The following RBM20 variants were observed in gnomAD, a reference collection of about 807,000 sequenced individuals.
RBM20 encodes RNA-binding protein 20.
RBM20 carries 51 observed loss-of-function variants against 110.1 expected under a neutral mutation model. The ratio of observed to expected loss-of-function variants is 0.46; its 90% CI spans 0.37 to 0.59. The LOEUF (loss-of-function observed/expected upper bound fraction) is 0.59, where lower values mean the gene tolerates loss of function less well. Among genes scored for constraint, RBM20 ranks in the 20% least tolerant of loss-of-function variants. The pLI, the probability that RBM20 is intolerant of heterozygous loss-of-function variation, is 0.00. For synonymous variants in RBM20, 589 were observed against 618.2 expected (o/e 0.95, Z 0.70); for missense variants, 1,512 against 1,574.9 (o/e 0.96, Z 0.68).
chr10:110,676,850 A>G (rs1438384550), intron 1 of RBM20, among the ~76,000 whole-genome samples: 1 of 152,236 alleles, frequency 6.6e-6, no homozygotes, highest in Non-Finnish European at 1.5e-5. Flanking sequence ...GAGGCTATAA[A>G]GAGGTTTAAA....
At chr10:110,658,356 T>C (rs1202999158) in intron 1 of RBM20, among the ~76,000 whole-genome samples, 2 of 152,196 alleles carry the variant, frequency 1.3e-5, no homozygotes, top group African/African-American at 2.4e-5. Flanking sequence ...TTTTACAGTC[T>C]GTAGCATTCA....
At chr10:110,814,788 C>G (rs1844818872) in intron 9 of RBM20, among the ~76,000 whole-genome samples, 1 of 152,176 alleles carries the variant, frequency 6.6e-6, no homozygotes. Flanking sequence ...GCCGCCGTGC[C>G]CTGCCAAGAT....
intron 1 of RBM20, among the ~76,000 whole-genome samples, chr10:110,735,902 C>T (rs12762063): frequency 0.26 from 39,014 of 152,062 alleles, 5,777 homozygotes; most frequent in Middle Eastern, 0.37. Context: ...TGAACATTCA[C>T]CCCAAGAGTG....
chr10:110,731,173 G>A (rs973215840), intron 1 of RBM20, among the ~76,000 whole-genome samples: 5 of 152,010 alleles, frequency 3.3e-5, no homozygotes, highest in Admixed American at 6.5e-5. Flanking sequence ...CGATATTTGG[G>A]GGCTGGTTGT....
chr10:110,798,742 A>G (rs113174826), intron 6 of RBM20, among the ~76,000 whole-genome samples: 24 of 152,338 alleles, frequency 1.6e-4, no homozygotes, highest in Middle Eastern at 6.8e-3. Context: ...GCTTGTTTAG[A>G]TCATTTAGTT....
chr10:110,692,434 CTT>C (rs1862599342), intron 1 of RBM20, among the ~76,000 whole-genome samples: 4 of 152,218 alleles, frequency 2.6e-5, no homozygotes, highest in Admixed American at 2.6e-4. Flanking sequence ...TTCAGCAATG[CTT>C]TGTAGTTTTC....
intron 1 of RBM20, among the ~76,000 whole-genome samples, chr10:110,687,826 G>C (rs1000955333): frequency 6.6e-6 from 1 of 152,116 alleles, no homozygotes; most frequent in East Asian, 1.9e-4. Flanking sequence ...TTTTAAAAAT[G>C]TTGCATCAAC....
intron 1 of RBM20, among the ~76,000 whole-genome samples, chr10:110,752,799 A>AC (rs1371101350): frequency 6.6e-6 from 1 of 151,310 alleles, no homozygotes; most frequent in East Asian, 1.9e-4. Flanking sequence ...CTCCTTCCTC[A>AC]CTTACACCTT....
At chr10:110,833,668 C>A (rs1845086557) in intron 13 of RBM20, among the ~76,000 whole-genome samples, 1 of 152,228 alleles carries the variant, frequency 6.6e-6, no homozygotes, top group South Asian at 2.1e-4. Context: ...GGGCAGTGGA[C>A]TGCACTGTGT....
chr10:110,663,627 T>C (rs1051363566), intron 1 of RBM20, among the ~76,000 whole-genome samples: 6 of 152,256 alleles, frequency 3.9e-5, no homozygotes, highest in Non-Finnish European at 7.3e-5. Flanking sequence ...TATAGATGTT[T>C]GTCTTAATTA....
intron 12 of RBM20, among the ~76,000 whole-genome samples, chr10:110,826,175 G>A (rs1355948249): frequency 6.6e-6 from 1 of 152,078 alleles, no homozygotes; most frequent in African/African-American, 2.4e-5. Flanking sequence ...ACCTCCCATT[G>A]GATTTTATCA....
At chr10:110,805,792 G>A (rs138768169) in intron 7 of RBM20, among the ~76,000 whole-genome samples, 84 of 152,322 alleles carry the variant, frequency 5.5e-4, no homozygotes, top group African/African-American at 1.8e-3. Flanking sequence ...TGTCTTAAAA[G>A]CAGCAAGATG....
At chr10:110,706,824 C>T (rs1418013826) in intron 1 of RBM20, among the ~76,000 whole-genome samples, 1 of 152,202 alleles carries the variant, frequency 6.6e-6, no homozygotes, top group Non-Finnish European at 1.5e-5. Context: ...CTTGCCTCCT[C>T]CTCATACTGA....
chr10:110,754,052 A>G (rs1843892499), intron 1 of RBM20, among the ~76,000 whole-genome samples: 1 of 152,202 alleles, frequency 6.6e-6, no homozygotes, highest in African/African-American at 2.4e-5. Context: ...TTTTTGCCAT[A>G]TGAGGTAACA....
At chr10:110,686,052 G>T (rs1225626913) in intron 1 of RBM20, among the ~76,000 whole-genome samples, 1 of 152,182 alleles carries the variant, frequency 6.6e-6, no homozygotes, top group Non-Finnish European at 1.5e-5. Context: ...TTGAATAGCT[G>T]TGGAGCTTTG....
rs73358998 is a variant in RBM20 at position 110,814,868 on chromosome 10, G to C, written c.2550+1921G>C. On this transcript the variant is annotated intron_variant, in intron 9 of 13. Transcript: ENST00000369519. ...TGTTTTGAAGAACCTGGAGATAATC[G>C]GCATGGCTGCATCTTTAGGGCATAT... Among the ~76,000 whole-genome samples the C allele has an allele frequency of 3.4e-3, 520 of 152,260 alleles. 4 individuals carry two copies. The highest frequency in any genetic ancestry group is 0.012 in the African/African-American group (485 of 41,534).
rs188993442 is a variant in RBM20 at position 110,738,518 on chromosome 10, C to T, written c.192-42283C>T. Among the ~76,000 whole-genome samples, 260 of 152,268 alleles carry T rather than the reference C, an allele frequency of 1.7e-3. 2 individuals are homozygous for T. The highest frequency in any genetic ancestry group is 2.8e-3 in the Admixed American group (43 of 15,290). On this transcript the variant is annotated intron_variant, in intron 1 of 13. Transcript: ENST00000369519. ...GCTGTTTCTCACGGCCCGAACCCCCCGTGGAATGTTTCACTTTGACCAAGG... is the reference window on the plus strand; with the variant it reads ...GCTGTTTCTCACGGCCCGAACCCCCTGTGGAATGTTTCACTTTGACCAAGG...
intron 1 of RBM20, among the ~76,000 whole-genome samples, chr10:110,747,597 A>G (rs1283638282): frequency 1.3e-5 from 2 of 152,206 alleles, no homozygotes; most frequent in Non-Finnish European, 2.9e-5. Context: ...GACTAACAGG[A>G]AGACACTTTT....
At chr10:110,699,416 C>A (rs1862721296) in intron 1 of RBM20, among the ~76,000 whole-genome samples, 1 of 151,738 alleles carries the variant, frequency 6.6e-6, no homozygotes, top group Admixed American at 6.6e-5. Context: ...AGATTACAGG[C>A]GCTGACCACC....
Sources: allele counts gnomAD v4.1 joint callset (sites outside exome capture counted in the v4.1 genomes callset), GRCh38; gene constraint gnomAD v4.1.1; transcripts MANE v1.5; gene names NCBI Gene and HGNC (gene_info 2026-07-23, HGNC 2026-07-21).